BBC3: variants seen among roughly 807,000 people sequenced by gnomAD.
BBC3 encodes the protein BCL2 binding component 3.
BBC3 carries 5 observed loss-of-function variants against 18.2 expected under a neutral mutation model. The ratio of observed to expected loss-of-function variants is 0.27; its 90% CI spans 0.14 to 0.58. The LOEUF is 0.58. Among genes scored for constraint, BBC3 ranks in the 20% least tolerant of loss-of-function variants. BBC3 has a pLI of 0.91. For missense variants in BBC3, 224 were observed against 268.9 expected (o/e 0.83, Z 1.17); for synonymous variants, 119 against 128.0 (o/e 0.93, Z 0.47).
rs992365308 is a variant in BBC3, at chr19:47,230,755, C to A, written c.-16+174G>T. The A allele has an allele frequency of 4.1e-6, 4 of 985,140 alleles. No homozygotes were observed. Among genetic ancestry groups the A allele is most frequent in the African/African-American group, 1.7e-5 (1 of 57,200 alleles). 61.0% of individuals were successfully genotyped at this position (985,140 alleles called of 1,614,324 possible). A position where few individuals can be genotyped will look rare whatever the true frequency, so the allele number is the denominator to read the frequency against. On this transcript the variant is annotated intron_variant, in intron 1 of 3. Transcript: ENST00000439096. This position sits in a 1 kb window ranked among gnomAD's most constrained non-coding sequence, Gnocchi z 6.7. ...CCCAGACCGGCGCCCCAACGCCGAG[C>A]CGCCTCTCACCCGGCGACCCTGGCC... is the stretch of plus-strand genomic sequence containing the variant.
Position 47,228,342 on chromosome 19 carries a change from C to T in BBC3, c.90G>A (p.Leu30=). 4 of 1,229,442 alleles carry T rather than the reference C, an allele frequency of 3.3e-6. No individual in the cohort carries two copies. Among genetic ancestry groups the T allele is most frequent in the Non-Finnish European group, 4.1e-6 (4 of 986,678 alleles). 76.2% of individuals were successfully genotyped at this position (1,229,442 alleles called of 1,614,324 possible). ...DGPRPFPLGR[L]VPSAVSCGLC... The stretch of plus-strand genomic sequence containing the variant: ...GGCCGCAGGACACTGCCGAGGGCAC[C>T]AGGCGGCCGAGCGGGAAGGGGCGCG... Residue 30 remains leucine (L), a synonymous_variant, in exon 2 of 4, where the codon CTG becomes CTA. Coordinates refer to ENST00000439096, the MANE Select transcript of BBC3 (RefSeq NM_014417.5). The surrounding 1 kb of genome is among the most constrained non-coding windows in gnomAD (Gnocchi z 5.5).
At chr19:47,226,041 G>A (rs1258136108) in intron 3 of BBC3, among the ~76,000 whole-genome samples, 2 of 151,504 alleles carry the variant, frequency 1.3e-5, no homozygotes, top group Non-Finnish European at 2.9e-5. Flanking sequence ...TGTGGGCTTC[G>A]AATATTTGTT....
chr19:47,223,077 T>C (rs898486102), intron 3 of BBC3, among the ~76,000 whole-genome samples: 1 of 148,670 alleles, frequency 6.7e-6, no homozygotes, highest in Non-Finnish European at 1.5e-5. Flanking sequence ...GAGATCATCC[T>C]GGCTAACACA....
rs947849052 is a variant in BBC3, at chr19:47,228,105, C to T, written c.274+53G>A. Reference sequence around the variant, plus strand: ...CACTTCTCCAGTTCCTCCGAGTCTCCAGCCCTCTCTCTTCCCGGCTCCTAT... The same window carrying T: ...CACTTCTCCAGTTCCTCCGAGTCTCTAGCCCTCTCTCTTCCCGGCTCCTAT... On this transcript the variant is annotated intron_variant, in intron 2 of 3. Coordinates refer to ENST00000439096, the MANE Select transcript of BBC3 (RefSeq NM_014417.5). This position sits in a 1 kb window ranked among gnomAD's most constrained non-coding sequence, Gnocchi z 5.5. The T allele has an allele frequency of 1.7e-6, 2 of 1,206,698 alleles. No homozygotes were observed. Among genetic ancestry groups the T allele is most frequent in the Non-Finnish European group, 2.1e-6 (2 of 966,834 alleles). The allele number at this position is 1,206,698 out of a possible 1,614,324, so 74.7% of individuals were successfully genotyped here.
rs1047008730 is a variant in BBC3, at chr19:47,221,611, C to T, written c.*191G>A. ...TCTTGGCCAGGGACCCAGGAGTCCG[C>T]ATCTCCGTCAGTGCACCCCAGGCTG... On this transcript the variant is annotated 3_prime_UTR_variant, in exon 4 of 4. Coordinates refer to ENST00000439096, the MANE Select transcript of BBC3 (RefSeq NM_014417.5). 1.1e-5 allele frequency: 13 copies of T among 1,201,810 alleles called. No individual in the cohort carries two copies. The highest frequency in any genetic ancestry group is 3.1e-5 in the African/African-American group (2 of 63,734). 74.4% of individuals were successfully genotyped at this position (1,201,810 alleles called of 1,614,324 possible).
rs2058909738 is a variant in BBC3, at chr19:47,231,161, C to T, written c.-248G>A. On this transcript the variant is annotated 5_prime_UTR_variant, in exon 1 of 4. Coordinates refer to ENST00000439096, the MANE Select transcript of BBC3 (RefSeq NM_014417.5). The surrounding 1 kb of genome is among the most constrained non-coding windows in gnomAD (Gnocchi z 4.0). ...GGATCGCTGGTGCCGCCGCCGCCGC[C>T]GCCAGGCGCCCGCTCGCATGTGGCT... 2 of 984,956 alleles carry T rather than the reference C, an allele frequency of 2.0e-6. No homozygotes were observed. Among genetic ancestry groups the T allele is most frequent in the African/African-American group, 1.8e-5 (1 of 57,012 alleles). The allele number at this position is 984,956 out of a possible 1,614,324, so 61.0% of individuals were successfully genotyped here.
At position 47,230,754 on chromosome 19, in the gene BBC3, G is replaced by A. The variant is rs1488854222; in HGVS notation, c.-16+175C>T. The A allele has an allele frequency of 3.0e-6, 3 of 985,166 alleles. No individual in the cohort carries two copies. Among genetic ancestry groups the A allele is most frequent in the Non-Finnish European group, 1.2e-6 (1 of 829,882 alleles). 61.0% of individuals were successfully genotyped at this position (985,166 alleles called of 1,614,324 possible). A position where few individuals can be genotyped will look rare whatever the true frequency, so the allele number is the denominator to read the frequency against. On this transcript the variant is annotated intron_variant, in intron 1 of 3. Transcript: ENST00000439096. The surrounding 1 kb of genome is among the most constrained non-coding windows in gnomAD (Gnocchi z 6.7). Reference sequence around the variant, plus strand: ...GCCCAGACCGGCGCCCCAACGCCGAGCCGCCTCTCACCCGGCGACCCTGGC... The same window carrying A: ...GCCCAGACCGGCGCCCCAACGCCGAACCGCCTCTCACCCGGCGACCCTGGC...
At chr19:47,232,705 T>C, upstream of BBC3, 3 of 1,068,652 alleles carry the variant, frequency 2.8e-6, no homozygotes, top group East Asian at 8.2e-5. Context: ...TCCAAAGCCG[T>C]GGATTCCTGT....
intron 1 of BBC3, among the ~76,000 whole-genome samples, chr19:47,229,477 C>T (rs544010078): frequency 2.4e-4 from 36 of 151,924 alleles, no homozygotes; most frequent in Non-Finnish European, 4.0e-4. Flanking sequence ...CAGCAACACA[C>T]ACACACACAC....
At position 47,221,511 on chromosome 19, in the gene BBC3, G is replaced by A. The variant is rs923638539; in HGVS notation, c.*291C>T. 16 of 513,186 alleles carry A rather than the reference G, an allele frequency of 3.1e-5. No individual in the cohort carries two copies. The highest frequency in any genetic ancestry group is 6.1e-5 in the African/African-American group (3 of 49,110). The allele number at this position is 513,186 out of a possible 1,614,324, so 31.8% of individuals were successfully genotyped here. On this transcript the variant is annotated 3_prime_UTR_variant, in exon 4 of 4. Transcript: ENST00000439096. ...TGAGATGGTGGTGGGCGGCAGAGGC[G>A]GGCGGCTCAGTCCCCACCCCCTCGG...
chr19:47,223,288 T>C (rs1341624646), intron 3 of BBC3, among the ~76,000 whole-genome samples: 1 of 130,658 alleles, frequency 7.7e-6, no homozygotes, highest in Non-Finnish European at 1.6e-5. Flanking sequence ...AAAAAATGGC[T>C]GGGCAAGGTG....
intron 3 of BBC3, among the ~76,000 whole-genome samples, chr19:47,226,333 G>A (rs2058820156): frequency 6.6e-6 from 1 of 151,872 alleles, no homozygotes; most frequent in African/African-American, 2.4e-5. Flanking sequence ...CTAGTCCCTG[G>A]CCCTGGCCCT....
chr19:47,226,601 C>T lies in BBC3; in HGVS notation c.428G>A (p.Arg143Gln), dbSNP rs1443660404. Residue 143 changes from arginine (R) to glutamine (Q), a missense_variant, in exon 3 of 4, where the codon CGG becomes CAG. Arg to Gln is a conservative substitution (Grantham distance 43, BLOSUM62 1). Coordinates refer to ENST00000439096, the MANE Select transcript of BBC3 (RefSeq NM_014417.5). ...CTGTGCGTTGAGGTCGTCCGCCATC[C>T]GCCGCAGCTGGGCCCCGATCTCCCG... ...WAREIGAQLR[R>Q]MADDLNAQYE... 5 of 1,582,888 alleles carry T rather than the reference C, an allele frequency of 3.2e-6. No homozygotes were observed. Among genetic ancestry groups the T allele is most frequent in the South Asian group, 2.3e-5 (2 of 87,514 alleles).
In BBC3 at chr19:47,221,544, C is replaced by T; in HGVS notation, c.*258G>A. ...CAGTCCCCACCCCCTCGGTCACCGC[C>T]ACCTTCCGATGCTGAGTCCATCAGC... On this transcript the variant is annotated 3_prime_UTR_variant, in exon 4 of 4. Transcript: ENST00000439096. The T allele has an allele frequency of 1.5e-6, 1 of 678,548 alleles. No homozygotes were observed. Among genetic ancestry groups the T allele is most frequent in the South Asian group, 2.1e-5 (1 of 46,640 alleles). 42.0% of individuals were successfully genotyped at this position (678,548 alleles called of 1,614,324 possible).
chr19:47,226,919 A>C, intron 2 of BBC3, 165 bp from the exon 3 acceptor site: 2 of 608,642 alleles, frequency 3.3e-6, no homozygotes, highest in Non-Finnish European at 5.2e-6. Flanking sequence ...ACCAGAAAGC[A>C]AGAAGTACCT....
At position 47,230,677 on chromosome 19, in the gene BBC3, C is replaced by T; in HGVS notation, c.-16+252G>A. ...TGGCCGCCAGGGGGCGCTGCCGAGC[C>T]CGCACCCCATTGTTTGTAAACAAAC... On this transcript the variant is annotated intron_variant, in intron 1 of 3. Coordinates refer to ENST00000439096, the MANE Select transcript of BBC3 (RefSeq NM_014417.5). The surrounding 1 kb of genome is among the most constrained non-coding windows in gnomAD (Gnocchi z 6.7). 2.1e-6 allele frequency: 2 copies of T among 964,308 alleles called. No individual in the cohort carries two copies. Among genetic ancestry groups the T allele is most frequent in the Non-Finnish European group, 2.5e-6 (2 of 810,886 alleles). The allele number at this position is 964,308 out of a possible 1,614,324, so 59.7% of individuals were successfully genotyped here.
chr19:47,231,195 G>C lies in BBC3; in HGVS notation c.-282C>G, dbSNP rs1368039596. 3.1e-6 allele frequency: 3 copies of C among 982,750 alleles called. No homozygotes were observed. Among genetic ancestry groups the C allele is most frequent in the African/African-American group, 1.8e-5 (1 of 56,850 alleles). 60.9% of individuals were successfully genotyped at this position (982,750 alleles called of 1,614,324 possible). A position where few individuals can be genotyped will look rare whatever the true frequency, so the allele number is the denominator to read the frequency against. ...CCCGCTCGCATGTGGCTCGCGCCGC[G>C]TCTCAGGCCGCCCGGCGGATCCCGG... On this transcript the variant is annotated 5_prime_UTR_variant, in exon 1 of 4. Coordinates refer to ENST00000439096, the MANE Select transcript of BBC3 (RefSeq NM_014417.5). The surrounding 1 kb of genome is among the most constrained non-coding windows in gnomAD (Gnocchi z 4.0).
chr19:47,222,420 T>C (rs2058762229), intron 3 of BBC3: 1 of 152,434 alleles, frequency 6.6e-6, no homozygotes. Flanking sequence ...CCCTCTCCAG[T>C]GGCAGGATGA....
At position 47,231,132 on chromosome 19, in the gene BBC3, G is replaced by T; in HGVS notation, c.-219C>A. The T allele has an allele frequency of 1.0e-6, 1 of 984,192 alleles. No individual in the cohort carries two copies. Among genetic ancestry groups the T allele is most frequent in the Non-Finnish European group, 1.2e-6 (1 of 828,724 alleles). The allele number at this position is 984,192 out of a possible 1,614,324, so 61.0% of individuals were successfully genotyped here. ...CAGGCGCGTCCGCGTCGTGGCCGCT[G>T]CTGGGATCGCTGGTGCCGCCGCCGC... is the stretch of plus-strand genomic sequence containing the variant. On this transcript the variant is annotated 5_prime_UTR_variant, in exon 1 of 4. Coordinates refer to ENST00000439096, the MANE Select transcript of BBC3 (RefSeq NM_014417.5). The surrounding 1 kb of genome is among the most constrained non-coding windows in gnomAD (Gnocchi z 4.0).
Sources: gnomAD v4.1 joint callset for allele counts (sites outside exome capture counted in the v4.1 genomes callset) on GRCh38, gnomAD v4.1.1 for gene constraint, Gnocchi (gnomAD v3.1) non-coding constraint, MANE v1.5 for transcripts, NCBI Gene and HGNC (gene_info 2026-07-23, HGNC 2026-07-21) for gene names.